TENM4: variants seen among roughly 807,000 people sequenced by gnomAD.
TENM4 encodes teneurin transmembrane protein 4, also known as teneurin-4.
In TENM4, 82 loss-of-function variants were observed where a neutral mutation model predicts 243.3. That is an observed-to-expected ratio of 0.34 (90% CI 0.28 to 0.40). The LOEUF (loss-of-function observed/expected upper bound fraction) is 0.40, where lower values mean the gene tolerates loss of function less well. TENM4 is among the 10% of genes least tolerant of loss of function. The pLI is 1.00. For synonymous variants in TENM4, 1,412 were observed against 1,456.3 expected, an observed-to-expected ratio of 0.97 and a Z score of 0.69; for missense variants, 3,138 against 3,673.3, an observed-to-expected ratio of 0.85 and a Z score of 3.77.
At chr11:79,247,155 G>T (rs979442567) in intron 2 of TENM4, among the ~76,000 whole-genome samples, 1 of 151,954 alleles carries the variant, frequency 6.6e-6, no homozygotes, top group African/African-American at 2.4e-5. Context: ...GGTGTCTCAC[G>T]CCTGTAATCC....
intron 3 of TENM4, among the ~76,000 whole-genome samples, chr11:79,191,985 G>T (rs779372755): frequency 3.3e-4 from 50 of 152,060 alleles, no homozygotes; most frequent in Non-Finnish European, 5.9e-4. Flanking sequence ...CCCCGTCGGG[G>T]AGGTGAGGGG....
chr11:79,024,219 C>T (rs187295094), intron 6 of TENM4, among the ~76,000 whole-genome samples: 1 of 152,314 alleles, frequency 6.6e-6, no homozygotes, highest in East Asian at 1.9e-4. Context: ...GTCCACCTGC[C>T]TGTAACACCT....
At chr11:79,370,779 TAAAAAA>T (rs544196671) in intron 1 of TENM4, among the ~76,000 whole-genome samples, 9,317 of 56,348 alleles carry the variant, frequency 0.17, 409 homozygotes, top group Non-Finnish European at 0.22. Context: ...ACTCCTATGG[TAAAAAA>T]AAAAAAAAAA....
chr11:78,873,630 A>G (rs1859192895), intron 9 of TENM4, among the ~76,000 whole-genome samples: 1 of 152,206 alleles, frequency 6.6e-6, no homozygotes, highest in African/African-American at 2.4e-5. Context: ...AACAAAAAAC[A>G]AAGAAACCAA....
chr11:78,927,087 G>A (rs369119872), intron 6 of TENM4, among the ~76,000 whole-genome samples: 4 of 152,214 alleles, frequency 2.6e-5, no homozygotes, highest in Non-Finnish European at 5.9e-5. Context: ...CCATGTATGA[G>A]CATGATGTTG....
At chr11:78,689,943 C>G (rs973952619) in intron 28 of TENM4, among the ~76,000 whole-genome samples, 3 of 152,142 alleles carry the variant, frequency 2.0e-5, no homozygotes, top group Non-Finnish European at 2.9e-5. Context: ...GCGGCTGGGG[C>G]CTTTTCAGGA....
intron 2 of TENM4, among the ~76,000 whole-genome samples, chr11:79,221,384 G>A (rs751650943): frequency 6.6e-6 from 1 of 151,762 alleles, no homozygotes; most frequent in South Asian, 2.1e-4. Context: ...GATGAAGCAG[G>A]TTATTTCACT....
In TENM4 at chr11:78,827,488, T is replaced by TATTTATTTA. The variant is rs1277176897; in HGVS notation, c.1682-13102_1682-13094dup. ...TTCAAAGCCTATTTATTTATTTATT[T>TATTTATTTA]ATTTATTTATTTATTTATTTGATGG... On this transcript the variant is annotated intron_variant, in intron 12 of 33. Transcript: ENST00000278550. Among the ~76,000 whole-genome samples the TATTTATTTA allele has an allele frequency of 4.6e-5, 7 of 151,480 alleles. No individual in the cohort carries two copies. The East Asian group carries it at 7.7e-4, about 17-fold the overall frequency.
intron 16 of TENM4, among the ~76,000 whole-genome samples, chr11:78,785,950 C>A (rs1405322378): frequency 6.6e-6 from 1 of 151,010 alleles, no homozygotes; most frequent in South Asian, 2.1e-4. Context: ...CATGTGCTCA[C>A]CATCTGATCA....
chr11:78,784,368 C>G (rs750748879), intron 16 of TENM4, among the ~76,000 whole-genome samples: 1 of 152,174 alleles, frequency 6.6e-6, no homozygotes, highest in Admixed American at 6.5e-5. Flanking sequence ...CTCCCCTCCC[C>G]CTTCCCTTAT....
rs553038969 is a variant in TENM4 at position 79,290,736 on chromosome 11, A to G, written c.-265+6752T>C. 5.0e-4 allele frequency among the ~76,000 whole-genome samples: 76 copies of G among 152,152 alleles called. 1 individual carries two copies. In the South Asian group the frequency reaches 0.015, roughly 29 times the overall value. On this transcript the variant is annotated intron_variant, in intron 2 of 33. Transcript: ENST00000278550. Reference sequence around the variant, plus strand: ...GTCTTCTTCCTCTTTGGACCATTTTATTGATGGGAAACTCATTATTGAGAA... The same window carrying G: ...GTCTTCTTCCTCTTTGGACCATTTTGTTGATGGGAAACTCATTATTGAGAA...
chr11:79,391,742 G>A (rs982232885), intron 1 of TENM4, among the ~76,000 whole-genome samples: 4 of 152,092 alleles, frequency 2.6e-5, no homozygotes, highest in Non-Finnish European at 5.9e-5. Flanking sequence ...AGCCTCAGAC[G>A]TATCACATAA....
chr11:78,915,952 C>T (rs1219849919), intron 6 of TENM4, among the ~76,000 whole-genome samples: 2 of 152,218 alleles, frequency 1.3e-5, no homozygotes, highest in Admixed American at 6.5e-5. Flanking sequence ...CTAGAACGCA[C>T]AGAGCAGTAT....
intron 3 of TENM4, among the ~76,000 whole-genome samples, chr11:79,149,314 T>C (rs1862450436): frequency 6.6e-6 from 1 of 152,152 alleles, no homozygotes; most frequent in Non-Finnish European, 1.5e-5. Context: ...ATATTTGCTG[T>C]TGTTCCTAAA....
At chr11:79,087,023 T>C (rs1440407051) in intron 4 of TENM4, among the ~76,000 whole-genome samples, 1 of 152,178 alleles carries the variant, frequency 6.6e-6, no homozygotes, top group Non-Finnish European at 1.5e-5. Flanking sequence ...TGCTCTAAGC[T>C]CTACAGAGTT....
At chr11:78,687,833 G>C (rs550517311) in intron 29 of TENM4, among the ~76,000 whole-genome samples, 1 of 152,280 alleles carries the variant, frequency 6.6e-6, no homozygotes, top group African/African-American at 2.4e-5. Context: ...CCTTTGTTCT[G>C]ATAACAGGAT....
Position 78,805,277 on chromosome 11 carries a change from T to TACCCCCCCCCCCCACCCCCCCC in TENM4, c.2179+14_2179+15insGGGGGGGGTGGGGGGGGGGGGT. Reference sequence around the variant, plus strand: ...CCCCTCCCTCTACCCATGCTTCTTCTCCCCCTGCATTTACCGATAGAACAG... The same window carrying TACCCCCCCCCCCCACCCCCCCC: ...CCCCTCCCTCTACCCATGCTTCTTCTACCCCCCCCCCCCACCCCCCCCCCCCCTGCATTTACCGATAGAACAG... On this transcript the variant is annotated intron_variant, in intron 15 of 33. Transcript: ENST00000278550. The TACCCCCCCCCCCCACCCCCCCC allele has an allele frequency of 7.1e-7, 1 of 1,402,550 alleles. No individual in the cohort carries two copies. The allele number at this position is 1,402,550 out of a possible 1,614,324, so 86.9% of individuals were successfully genotyped here.
chr11:79,321,680 G>A (rs1856893783), intron 1 of TENM4, among the ~76,000 whole-genome samples: 1 of 151,388 alleles, frequency 6.6e-6, no homozygotes, highest in South Asian at 2.1e-4. Context: ...AGAGAACTTG[G>A]GACATGCCAA....
At chr11:79,116,736 A>T (rs1173114849) in intron 4 of TENM4, among the ~76,000 whole-genome samples, 1 of 152,322 alleles carries the variant, frequency 6.6e-6, no homozygotes, top group South Asian at 2.1e-4. Context: ...TCCGAAATAT[A>T]TCGCCTGGGG....
Sources: gnomAD v4.1 joint callset for allele counts (sites outside exome capture counted in the v4.1 genomes callset) on GRCh38, gnomAD v4.1.1 for gene constraint, MANE v1.5 for transcripts, NCBI Gene and HGNC (gene_info 2026-07-23, HGNC 2026-07-21) for gene names.